Variants in SCAMP1 observed in about 807,000 individuals in gnomAD.
SCAMP1 encodes the protein secretory carrier-associated membrane protein 1.
A neutral mutation model predicts 41.8 loss-of-function variants in SCAMP1; 15 were observed. The ratio of observed to expected loss-of-function variants is 0.36; its 90% confidence interval spans 0.24 to 0.55. SCAMP1 has a LOEUF of 0.55. Among genes scored for constraint, SCAMP1 ranks in the 20% least tolerant of loss-of-function variants. The pLI, the probability that SCAMP1 is intolerant of heterozygous loss-of-function variation, is 0.86. For missense variants in SCAMP1, 341 were observed against 412.6 expected (o/e 0.83, Z 1.50); for synonymous variants, 135 against 136.8 (o/e 0.99, Z 0.09).
chr5:78,416,079 C>T (rs1299308634), intron 3 of SCAMP1, among the ~76,000 whole-genome samples: 2 of 152,074 alleles, frequency 1.3e-5, no homozygotes, highest in African/African-American at 4.8e-5. Flanking sequence ...ATCTTTTGAC[C>T]TCATTCTCCT....
chr5:78,366,788 C>A (rs1157146558), intron 1 of SCAMP1, among the ~76,000 whole-genome samples: 1 of 151,932 alleles, frequency 6.6e-6, no homozygotes, highest in African/African-American at 2.4e-5. Flanking sequence ...GAGTTTGAGA[C>A]CAGCCTGGGC....
At chr5:78,368,612 T>G (rs1750858407) in intron 1 of SCAMP1, among the ~76,000 whole-genome samples, 2 of 152,224 alleles carry the variant, frequency 1.3e-5, no homozygotes, top group South Asian at 4.1e-4. Context: ...TAGCTGGGTA[T>G]TCTTCTCAAT....
intron 8 of SCAMP1, among the ~76,000 whole-genome samples, chr5:78,467,913 A>G (rs1211098571): frequency 4.6e-5 from 7 of 152,308 alleles, no homozygotes; most frequent in African/African-American, 7.2e-5. Flanking sequence ...AATCCTTTGC[A>G]GGTATGTAGC....
chr5:78,452,125 A>G, intron 7 of SCAMP1, among the ~76,000 whole-genome samples: 1 of 152,086 alleles, frequency 6.6e-6, no homozygotes, highest in East Asian at 1.9e-4. Context: ...TTTCTCTGGG[A>G]TAAATGCCCA....
Position 78,449,922 on chromosome 5 carries a change from T to G in SCAMP1, c.633-11T>G, listed in dbSNP as rs1454533453. ...CCCCCTTTTTTCTTTCTTTCTTTTT[T>G]TTTTTCAAAGGAGTGACAGTTCATT... On this transcript the variant is annotated splice_polypyrimidine_tract_variant and intron_variant, in intron 6 of 8. Transcript: ENST00000621999. 4 of 1,457,404 alleles carry G rather than the reference T, an allele frequency of 2.7e-6. No homozygotes were observed. The South Asian group carries it at 5.3e-5, about 19-fold the overall frequency. The allele number at this position is 1,457,404 out of a possible 1,614,324, so 90.3% of individuals were successfully genotyped here.
chr5:78,440,186 C>T (rs550792211), intron 6 of SCAMP1, among the ~76,000 whole-genome samples: 10 of 152,246 alleles, frequency 6.6e-5, no homozygotes, highest in Admixed American at 1.3e-4. Flanking sequence ...TATTACGGAT[C>T]GTCTGAAGCC....
At chr5:78,403,123 G>A (rs1443226129) in intron 2 of SCAMP1, among the ~76,000 whole-genome samples, 1 of 152,048 alleles carries the variant, frequency 6.6e-6, no homozygotes, top group African/African-American at 2.4e-5. Flanking sequence ...TGCCTGCCTC[G>A]GCCTCCCAAA....
chr5:78,415,452 A>G lies in SCAMP1; in HGVS notation c.136-68A>G, dbSNP rs936833900. The stretch of plus-strand genomic sequence containing the variant: ...TGGGATTTTTCATTTTATTGGTGTT[A>G]TACTTTTTGAAAGAAGTTAAAGTTG... On this transcript the variant is annotated intron_variant, in intron 2 of 8. Coordinates refer to ENST00000621999, the MANE Select transcript of SCAMP1 (RefSeq NM_004866.6). 7 of 918,864 alleles carry G rather than the reference A, an allele frequency of 7.6e-6. No individual in the cohort carries two copies. In the South Asian group the frequency reaches 1.1e-4, roughly 14 times the overall value. 56.9% of individuals were successfully genotyped at this position (918,864 alleles called of 1,614,324 possible).
At chr5:78,437,305 A>G (rs991418217) in intron 6 of SCAMP1, among the ~76,000 whole-genome samples, 1 of 152,224 alleles carries the variant, frequency 6.6e-6, no homozygotes, top group Non-Finnish European at 1.5e-5. Flanking sequence ...TTCAAAGGGA[A>G]TGCTTCCAGT....
intron 1 of SCAMP1, among the ~76,000 whole-genome samples, chr5:78,383,488 G>T (rs10942849): frequency 6.6e-6 from 1 of 151,964 alleles, no homozygotes; most frequent in African/African-American, 2.4e-5. Context: ...TTGGGTTCTT[G>T]GTCATAAAGT....
chr5:78,468,397 C>A (rs926044748), intron 8 of SCAMP1, among the ~76,000 whole-genome samples: 1 of 152,054 alleles, frequency 6.6e-6, no homozygotes, highest in African/African-American at 2.4e-5. Flanking sequence ...TTGGGCCAAG[C>A]AGGGAGTTGT....
At chr5:78,445,518 G>C (rs374120744) in intron 6 of SCAMP1, among the ~76,000 whole-genome samples, 66 of 152,218 alleles carry the variant, frequency 4.3e-4, no homozygotes, top group African/African-American at 1.6e-3. Flanking sequence ...CTATATTTCT[G>C]TTCTTTGGTT....
At chr5:78,408,238 G>T (rs1269429735) in intron 2 of SCAMP1, among the ~76,000 whole-genome samples, 1 of 152,154 alleles carries the variant, frequency 6.6e-6, no homozygotes, top group African/African-American at 2.4e-5. Context: ...CTGGTGGCAG[G>T]CAAGAGAGCA....
At chr5:78,443,684 G>T in intron 6 of SCAMP1, among the ~76,000 whole-genome samples, 2 of 102,210 alleles carry the variant, frequency 2.0e-5, no homozygotes, top group Middle Eastern at 8.6e-3. Flanking sequence ...TTTTGAGATA[G>T]GATCTCATTC....
intron 1 of SCAMP1, among the ~76,000 whole-genome samples, chr5:78,386,475 A>T (rs989120429): frequency 3.3e-5 from 5 of 151,914 alleles, no homozygotes; most frequent in African/African-American, 1.2e-4. Flanking sequence ...GATGTGAGGT[A>T]CTGTTCTATT....
At chr5:78,395,136 G>C (rs1038218866) in intron 2 of SCAMP1, among the ~76,000 whole-genome samples, 1 of 152,136 alleles carries the variant, frequency 6.6e-6, no homozygotes, top group Admixed American at 6.5e-5. Flanking sequence ...GACCATCCAC[G>C]GTTTGACTTC....
intron 1 of SCAMP1, among the ~76,000 whole-genome samples, chr5:78,363,504 C>T (rs1397369876): frequency 1.3e-5 from 2 of 152,152 alleles, no homozygotes; most frequent in African/African-American, 2.4e-5. Flanking sequence ...CCACTGGGCC[C>T]GACCCATTTT....
At chr5:78,406,392 GAA>G (rs1751935938) in intron 2 of SCAMP1, among the ~76,000 whole-genome samples, 1 of 152,176 alleles carries the variant, frequency 6.6e-6, no homozygotes, top group Non-Finnish European at 1.5e-5. Context: ...AGATGGAAGA[GAA>G]AGAGCTGGAG....
chr5:78,440,204 C>T (rs1395749011), intron 6 of SCAMP1, among the ~76,000 whole-genome samples: 1 of 152,210 alleles, frequency 6.6e-6, no homozygotes, highest in East Asian at 1.9e-4. Flanking sequence ...GCCTTCTTCT[C>T]TCAACTCGTC....
Sources: gnomAD v4.1 joint callset for allele counts (sites outside exome capture counted in the v4.1 genomes callset) on GRCh38, gnomAD v4.1.1 for gene constraint, MANE v1.5 for transcripts, NCBI Gene and HGNC (gene_info 2026-07-23, HGNC 2026-07-21) for gene names.